Variants in FYB2 observed in about 807,000 individuals in gnomAD.
The protein encoded by FYB2 is FYN-binding protein 2.
In FYB2, 103 loss-of-function variants were observed where a neutral mutation model predicts 94.1. That is an observed-to-expected ratio of 1.09 (90% confidence interval 0.93 to 1.29). The LOEUF is 1.29. Among genes scored for constraint, FYB2 ranks in the 50% most tolerant of loss-of-function variants. The probability of loss-of-function intolerance (pLI) is 0.00; values close to 1 mark genes in which losing one functional copy is unlikely to be tolerated. For synonymous variants in FYB2, 293 were observed against 287.9 expected, an observed-to-expected ratio of 1.02 and a Z score of -0.18; for missense variants, 896 against 841.5, an observed-to-expected ratio of 1.06 and a Z score of -0.80.
intron 1 of FYB2, among the ~76,000 whole-genome samples, chr1:56,808,661 T>A (rs544412480): frequency 3.9e-5 from 6 of 152,288 alleles, no homozygotes; most frequent in African/African-American, 1.4e-4. Flanking sequence ...GAAAGAAGCA[T>A]CCTTGGCCCT....
chr1:56,737,056 GC>G, intron 15 of FYB2, 30 bp downstream of exon 15: 1 of 1,498,144 alleles, frequency 6.7e-7, no homozygotes, highest in South Asian at 1.1e-5. Context: ...TCAAATATCA[GC>G]AGGGATGACC....
intron 1 of FYB2, among the ~76,000 whole-genome samples, chr1:56,818,720 G>A (rs974039707): frequency 1.3e-5 from 2 of 152,134 alleles, no homozygotes; most frequent in African/African-American, 4.8e-5. Context: ...TCACAAAGTA[G>A]TTATTGTACC....
chr1:56,752,940 A>G (rs1645234982), intron 8 of FYB2, among the ~76,000 whole-genome samples: 1 of 152,058 alleles, frequency 6.6e-6, no homozygotes, highest in African/African-American at 2.4e-5. Flanking sequence ...CTTGGCTTTC[A>G]CACCCAGTGC....
chr1:56,799,532 AT>A (rs138245910), intron 1 of FYB2, among the ~76,000 whole-genome samples: 209 of 152,288 alleles, frequency 1.4e-3, no homozygotes, highest in African/African-American at 4.8e-3. Flanking sequence ...AGTTTTAAAA[AT>A]TTTAATAAAT....
upstream of FYB2, among the ~76,000 whole-genome samples, chr1:56,819,952 G>C (rs1476526426): frequency 2.0e-5 from 3 of 152,144 alleles, no homozygotes; most frequent in Admixed American, 2.0e-4. Flanking sequence ...GAATGGCCGG[G>C]TGCAGTGGCT....
At chr1:56,737,386 T>C in intron 14 of FYB2, 1 of 340,808 alleles carries the variant, frequency 2.9e-6, no homozygotes, top group Non-Finnish European at 5.2e-6. Flanking sequence ...TCTCAAAACA[T>C]ATATATTTAT....
chr1:56,764,899 A>C (rs1645585614), intron 5 of FYB2, among the ~76,000 whole-genome samples: 1 of 152,352 alleles, frequency 6.6e-6, no homozygotes, highest in Non-Finnish European at 1.5e-5. Context: ...ATGGAGAAGA[A>C]GAAAGCAATC....
intron 4 of FYB2, among the ~76,000 whole-genome samples, chr1:56,782,319 A>T (rs1304590761): frequency 6.6e-6 from 1 of 152,058 alleles, no homozygotes; most frequent in African/African-American, 2.4e-5. Context: ...TAATACTCTT[A>T]AATTTTTGTT....
At chr1:56,782,201 G>A (rs976668196) in intron 4 of FYB2, among the ~76,000 whole-genome samples, 1 of 151,956 alleles carries the variant, frequency 6.6e-6, no homozygotes, top group Non-Finnish European at 1.5e-5. Flanking sequence ...TCGAACACTA[G>A]TTCTTATTTC....
chr1:56,756,470 G>A (rs909452064), intron 6 of FYB2, among the ~76,000 whole-genome samples: 3 of 152,030 alleles, frequency 2.0e-5, no homozygotes, highest in Non-Finnish European at 2.9e-5. Flanking sequence ...TCATTATTTG[G>A]AATCTGTCTA....
rs1050194922 is a variant in FYB2 at position 56,751,167 on chromosome 1, T to A, written c.1264A>T (p.Met422Leu). The change falls in exon 9 of 20, where the codon ATG becomes TTG. Residue 422 changes from methionine to leucine, a missense_variant. Physicochemically the swap from Met to Leu is conservative, Grantham distance 15. Transcript: ENST00000343433. ...ACEGTPEKIQ[M>L]TNVHTGRRNM... ...CTTCTACCTGTGTGGACGTTGGTCA[T>A]CTGAATTTTTTCAGGTGTCCCTTCA... The A allele has an allele frequency of 6.2e-7, 1 of 1,612,554 alleles. No homozygotes were observed. The highest frequency in any genetic ancestry group is 8.5e-7 in the Non-Finnish European group (1 of 1,179,162).
intron 17 of FYB2, among the ~76,000 whole-genome samples, chr1:56,721,591 A>G (rs934188027): frequency 7.2e-6 from 1 of 138,112 alleles, no homozygotes; most frequent in Non-Finnish European, 1.6e-5. Flanking sequence ...AAGTTCTAAA[A>G]ACTCCTTATT....
chr1:56,757,691 T>TTCCTTCCTTCCTTCC (rs1557616923), intron 6 of FYB2, among the ~76,000 whole-genome samples: 105 of 70,058 alleles, frequency 1.5e-3, no homozygotes, highest in Admixed American at 1.8e-3. Context: ...TCCTTCCTTC[T>TTCCTTCCTTCCTTCC]TTCTTTCTTT....
chr1:56,804,643 T>C (rs1459363342), intron 1 of FYB2, among the ~76,000 whole-genome samples: 1 of 152,048 alleles, frequency 6.6e-6, no homozygotes, highest in South Asian at 2.1e-4. Flanking sequence ...GTGGGGAGGA[T>C]GGCTTGAACC....
chr1:56,749,463 T>C (rs1645145666), intron 9 of FYB2, among the ~76,000 whole-genome samples: 1 of 152,026 alleles, frequency 6.6e-6, no homozygotes. Context: ...AATTTTCTCT[T>C]CAACTATAGG....
chr1:56,730,428 G>A (rs1207920057), intron 15 of FYB2, among the ~76,000 whole-genome samples: 1 of 132,108 alleles, frequency 7.6e-6, no homozygotes, highest in African/African-American at 2.9e-5. Context: ...GGAGGGGAGG[G>A]GGAGAGGGAG....
chr1:56,737,082 C>T lies in FYB2; in HGVS notation c.1793+5G>A, dbSNP rs2100578523. 3 of 1,590,620 alleles carry T rather than the reference C, an allele frequency of 1.9e-6. No homozygotes were observed. Among genetic ancestry groups the T allele is most frequent in the East Asian group, 2.3e-5 (1 of 44,364 alleles). ...CAGGGATGACCAATAAGGTAAATTA[C>T]TTACTTTGACTCTTTTTCACTCAGG... On this transcript the variant is annotated splice_donor_5th_base_variant and intron_variant, in intron 15 of 19. Coordinates refer to ENST00000343433, the MANE Select transcript of FYB2 (RefSeq NM_001004303.5).
intron 14 of FYB2, 169 bp from the exon 15 acceptor site, chr1:56,737,316 T>C (rs1644850286): frequency 4.4e-6 from 2 of 450,618 alleles, no homozygotes; most frequent in Non-Finnish European, 7.7e-6. Flanking sequence ...AGAATAAAAA[T>C]ATTCTCTATT....
chr1:56,743,625 C>T (rs1484304255), intron 11 of FYB2, among the ~76,000 whole-genome samples: 1 of 151,956 alleles, frequency 6.6e-6, no homozygotes, highest in Non-Finnish European at 1.5e-5. Context: ...AGATTGAGTA[C>T]AGTGTGAGAT....
Sources: allele counts gnomAD v4.1 joint callset (sites outside exome capture counted in the v4.1 genomes callset), GRCh38; gene constraint gnomAD v4.1.1; transcripts MANE v1.5; gene names NCBI Gene and HGNC (gene_info 2026-07-23, HGNC 2026-07-21).